PRKN: variants seen among roughly 807,000 people sequenced by gnomAD.
PRKN encodes parkin RBR E3 ubiquitin protein ligase, also known as E3 ubiquitin-protein ligase parkin.
A neutral mutation model predicts 59.5 loss-of-function variants in PRKN; 56 were observed. That is an observed-to-expected ratio of 0.94 (90% CI 0.76 to 1.18). PRKN has a LOEUF of 1.18. Among genes scored for constraint, PRKN ranks in the 50% most tolerant of loss-of-function variants. The pLI is 0.00. For synonymous variants in PRKN, 250 were observed against 222.1 expected (o/e 1.13, Z -1.12); for missense variants, 657 against 596.4 (o/e 1.10, Z -1.06).
At chr6:161,637,288 C>T (rs1389521147) in intron 7 of PRKN, among the ~76,000 whole-genome samples, 1 of 152,140 alleles carries the variant, frequency 6.6e-6, no homozygotes, top group Non-Finnish European at 1.5e-5. Context: ...TCCATTAACG[C>T]CTGGCAGGCA....
rs1424283895 is a variant in PRKN, at chr6:161,350,221, G to T, written c.1286-10C>A. On this transcript the variant is annotated splice_polypyrimidine_tract_variant and intron_variant, in intron 11 of 11. Coordinates refer to ENST00000366898, the MANE Select transcript of PRKN (RefSeq NM_004562.3). ...ATGTGCATGCAGCCTCCTGTTGGGG[G>T]CAGAAAACAAAGGTGTGGTGGGTTC... 1.9e-6 allele frequency: 3 copies of T among 1,602,872 alleles called. No homozygotes were observed. Among genetic ancestry groups the T allele is most frequent in the Non-Finnish European group, 2.6e-6 (3 of 1,171,358 alleles).
chr6:161,416,836 C>T (rs1787876239), intron 9 of PRKN, among the ~76,000 whole-genome samples: 1 of 152,126 alleles, frequency 6.6e-6, no homozygotes, highest in South Asian at 2.1e-4. Context: ...TGCCCAGGGG[C>T]CTTGGCGTTT....
At chr6:161,596,998 A>T (rs75309434) in intron 7 of PRKN, among the ~76,000 whole-genome samples, 1 of 152,196 alleles carries the variant, frequency 6.6e-6, no homozygotes, top group Admixed American at 6.5e-5. Context: ...GTCTTGGCCA[A>T]TGAAAAGTAC....
At chr6:161,625,673 C>T (rs1200124037) in intron 7 of PRKN, among the ~76,000 whole-genome samples, 1 of 152,154 alleles carries the variant, frequency 6.6e-6, no homozygotes, top group Non-Finnish European at 1.5e-5. Flanking sequence ...TACGTAGAAC[C>T]ACTTCTTAAA....
At position 162,349,123 on chromosome 6, in the gene PRKN, T is replaced by C. The variant is rs1784520926; in HGVS notation, c.172-86358A>G. Reference sequence around the variant, plus strand: ...AAACCTTTCAGTGAATTCTAGCAAATATTTAGGGTAAAAATTACATGAATC... The same window carrying C: ...AAACCTTTCAGTGAATTCTAGCAAACATTTAGGGTAAAAATTACATGAATC... On this transcript the variant is annotated intron_variant, in intron 2 of 11. Coordinates refer to ENST00000366898, the MANE Select transcript of PRKN (RefSeq NM_004562.3). 2.6e-5 allele frequency among the ~76,000 whole-genome samples: 4 copies of C among 152,114 alleles called. No homozygotes were observed. In the South Asian group the frequency reaches 6.2e-4, roughly 24 times the overall value.
chr6:161,587,671 T>A (rs1310945403), intron 7 of PRKN, among the ~76,000 whole-genome samples: 2 of 152,142 alleles, frequency 1.3e-5, no homozygotes, highest in Non-Finnish European at 2.9e-5. Flanking sequence ...TATAAGTTTT[T>A]GGGAAACAGG....
chr6:161,657,177 A>G (rs1396300276), intron 7 of PRKN, among the ~76,000 whole-genome samples: 1 of 151,952 alleles, frequency 6.6e-6, no homozygotes, highest in Non-Finnish European at 1.5e-5. Flanking sequence ...AAATCCAGAC[A>G]CCCGAGAATC....
At chr6:162,721,201 T>G (rs1778929952) in intron 1 of PRKN, among the ~76,000 whole-genome samples, 1 of 152,218 alleles carries the variant, frequency 6.6e-6, no homozygotes, top group Non-Finnish European at 1.5e-5. Flanking sequence ...TGGAGTGAGT[T>G]TATAAACGCT....
At chr6:161,493,397 ATC>A (rs1481078279) in intron 9 of PRKN, among the ~76,000 whole-genome samples, 1 of 152,240 alleles carries the variant, frequency 6.6e-6, no homozygotes, top group East Asian at 1.9e-4. Context: ...CTTGGCCAAC[ATC>A]ACACATCTAA....
rs766949960 is a variant in PRKN, at chr6:161,352,755, G to GTGTGTGTATA, written c.1286-2545_1286-2544insTATACACACA. Among the ~76,000 whole-genome samples, 11 of 134,376 alleles carry GTGTGTGTATA rather than the reference G, an allele frequency of 8.2e-5. No individual in the cohort carries two copies. Among genetic ancestry groups the GTGTGTGTATA allele is most frequent in the South Asian group, 2.6e-4 (1 of 3,842 alleles). 88.2% of individuals were successfully genotyped at this position (134,376 alleles called of 152,430 possible). On this transcript the variant is annotated intron_variant, in intron 11 of 11. Coordinates refer to ENST00000366898, the MANE Select transcript of PRKN (RefSeq NM_004562.3). This position sits in a 1 kb window ranked among gnomAD's most constrained non-coding sequence, Gnocchi z 5.8. ...TGTGTGTGTGTGTGTGTGTGTGTGTGTATATATATATATATATTTTATTTT... is the reference window on the plus strand; with the variant it reads ...TGTGTGTGTGTGTGTGTGTGTGTGTGTGTGTGTATATATATATATATATATATTTTATTTT...
chr6:162,595,419 C>T (rs551633436), intron 1 of PRKN, among the ~76,000 whole-genome samples: 1 of 151,904 alleles, frequency 6.6e-6, no homozygotes, highest in South Asian at 2.1e-4. Context: ...CCACACCCGG[C>T]TAGTTTTTGT....
At chr6:162,430,439 A>C (rs1290558878) in intron 2 of PRKN, among the ~76,000 whole-genome samples, 1 of 152,194 alleles carries the variant, frequency 6.6e-6, no homozygotes, top group African/African-American at 2.4e-5. Flanking sequence ...TGACTTGTGG[A>C]CATATTTGTA....
chr6:162,681,226 T>C (rs1345786579), intron 1 of PRKN, among the ~76,000 whole-genome samples: 1 of 152,190 alleles, frequency 6.6e-6, no homozygotes, highest in Non-Finnish European at 1.5e-5. Context: ...AAAAATTCTT[T>C]TGTAGGACTT....
chr6:161,793,751 A>AG (rs1365810043), intron 6 of PRKN, among the ~76,000 whole-genome samples: 5 of 152,184 alleles, frequency 3.3e-5, no homozygotes, highest in Non-Finnish European at 7.3e-5. Context: ...CTATATAGTG[A>AG]GAAGAGGCTG....
chr6:162,565,202 A>G (rs1233273126), intron 1 of PRKN, among the ~76,000 whole-genome samples: 1 of 152,170 alleles, frequency 6.6e-6, no homozygotes, highest in African/African-American at 2.4e-5. Context: ...ATGAGGTTAA[A>G]ATGATAATAT....
At chr6:162,455,505 T>C (rs1790828944) in intron 1 of PRKN, among the ~76,000 whole-genome samples, 2 of 152,334 alleles carry the variant, frequency 1.3e-5, no homozygotes, top group Admixed American at 6.5e-5. Context: ...GTAGTGTTTG[T>C]GTCTCTAAGC....
chr6:162,494,044 C>A (rs923581022), intron 1 of PRKN, among the ~76,000 whole-genome samples: 1 of 152,196 alleles, frequency 6.6e-6, no homozygotes, highest in African/African-American at 2.4e-5. Context: ...CCATCTATTT[C>A]GTCTTTCCTG....
intron 4 of PRKN, among the ~76,000 whole-genome samples, chr6:162,067,083 G>T (rs987048602): frequency 5.9e-5 from 9 of 151,802 alleles, no homozygotes; most frequent in African/African-American, 1.9e-4. Context: ...TCTCCTGTTT[G>T]TAATATACAT....
chr6:161,922,854 G>A (rs1344368413), intron 6 of PRKN, among the ~76,000 whole-genome samples: 2 of 152,136 alleles, frequency 1.3e-5, no homozygotes, highest in East Asian at 3.8e-4. Flanking sequence ...GGATTTTATA[G>A]CAAACTCAAT....
Sources: allele counts gnomAD v4.1 joint callset (sites outside exome capture counted in the v4.1 genomes callset), GRCh38; gene constraint gnomAD v4.1.1; non-coding constraint Gnocchi (gnomAD v3.1); transcripts MANE v1.5; gene names NCBI Gene and HGNC (gene_info 2026-07-23, HGNC 2026-07-21).